Variants in CSMD1 observed in about 807,000 individuals in gnomAD.
The protein encoded by CSMD1 is CUB and Sushi multiple domains 1.
A neutral mutation model predicts 417.5 loss-of-function variants in CSMD1; 213 were observed. The ratio of observed to expected loss-of-function variants is 0.51; its 90% CI spans 0.46 to 0.57. CSMD1 has a LOEUF of 0.57. Ranked by LOEUF, CSMD1 falls within the 20% of genes least tolerant of loss-of-function variation. The probability of loss-of-function intolerance (pLI) is 0.00; values close to 1 mark genes in which losing one functional copy is unlikely to be tolerated. For synonymous variants in CSMD1, 2,862 were observed against 1,736.8 expected (o/e 1.65, Z -16.11); for missense variants, 6,923 against 4,529.7 (o/e 1.53, Z -15.17).
chr8:4,025,372 G>C (rs1172101513), intron 4 of CSMD1, among the ~76,000 whole-genome samples: 1 of 152,096 alleles, frequency 6.6e-6, no homozygotes. Context: ...TTCCCTGTAG[G>C]ACCCTAGATC....
intron 3 of CSMD1, among the ~76,000 whole-genome samples, chr8:4,204,604 A>T (rs1214553700): frequency 1.3e-5 from 2 of 152,194 alleles, no homozygotes; most frequent in African/African-American, 4.8e-5. Context: ...TAATTGCATA[A>T]AAGTGTGTAA....
chr8:4,121,387 T>A (rs1802479463), intron 3 of CSMD1, among the ~76,000 whole-genome samples: 2 of 152,300 alleles, frequency 1.3e-5, no homozygotes, highest in South Asian at 2.1e-4. Context: ...AGGGCTGGGA[T>A]TACAGGCATG....
At chr8:3,516,354 G>T (rs1401608210) in intron 10 of CSMD1, among the ~76,000 whole-genome samples, 2 of 152,300 alleles carry the variant, frequency 1.3e-5, no homozygotes, top group South Asian at 2.1e-4. Context: ...CTTCCAAGTT[G>T]CAAGACAGCT....
At chr8:4,220,392 A>T (rs565154693) in intron 3 of CSMD1, among the ~76,000 whole-genome samples, 7 of 152,348 alleles carry the variant, frequency 4.6e-5, no homozygotes, top group African/African-American at 1.7e-4. Flanking sequence ...AGAGGCCTCT[A>T]GACAACGGTT....
intron 4 of CSMD1, among the ~76,000 whole-genome samples, chr8:4,031,463 G>T (rs767557807): frequency 1.3e-5 from 2 of 152,050 alleles, no homozygotes; most frequent in African/African-American, 4.8e-5. Flanking sequence ...TGATGAGAAC[G>T]GCACAGGAAA....
At chr8:4,150,630 C>G (rs1000447965) in intron 3 of CSMD1, among the ~76,000 whole-genome samples, 3 of 152,258 alleles carry the variant, frequency 2.0e-5, no homozygotes, top group East Asian at 3.9e-4. Context: ...AACTGCAATT[C>G]CAATATTCTT....
intron 10 of CSMD1, among the ~76,000 whole-genome samples, chr8:3,524,370 TGCACACATGCACATAC>T (rs888265326): frequency 3.7e-5 from 5 of 135,740 alleles, no homozygotes; most frequent in Admixed American, 2.2e-4. Flanking sequence ...CGCACACAAG[TGCACACATGCACATAC>T]ACACACATGC....
chr8:3,075,885 C>G (rs1043482739), intron 49 of CSMD1, among the ~76,000 whole-genome samples: 2 of 106,986 alleles, frequency 1.9e-5, no homozygotes, highest in African/African-American at 6.8e-5. Context: ...ACTAAAAATA[C>G]AAAAAAAAAA....
chr8:3,757,549 C>A (rs906214726), intron 5 of CSMD1, among the ~76,000 whole-genome samples: 32 of 152,186 alleles, frequency 2.1e-4, no homozygotes, highest in African/African-American at 7.2e-4. Flanking sequence ...CTGACCCCTG[C>A]TCTAGCATAT....
intron 3 of CSMD1, among the ~76,000 whole-genome samples, chr8:4,127,003 A>T (rs1379414286): frequency 6.6e-6 from 1 of 152,202 alleles, no homozygotes; most frequent in East Asian, 1.9e-4. Context: ...TTTGAGAGCC[A>T]CTGGCCTACA....
chr8:4,156,781 G>C (rs541611897), intron 3 of CSMD1, among the ~76,000 whole-genome samples: 3 of 152,096 alleles, frequency 2.0e-5, no homozygotes, highest in Admixed American at 6.5e-5. Flanking sequence ...ACAGACTTTT[G>C]GGAAGGGCCC....
chr8:3,364,496 T>C (rs771130757), intron 20 of CSMD1, among the ~76,000 whole-genome samples: 15 of 152,342 alleles, frequency 9.8e-5, no homozygotes, highest in African/African-American at 1.9e-4. Flanking sequence ...TTTGTGCAAG[T>C]AGTTTATAAT....
rs577760063 is a variant in CSMD1 at position 4,308,544 on chromosome 8, C to T, written c.415+111409G>A. Among the ~76,000 whole-genome samples, 8 of 152,266 alleles carry T rather than the reference C, an allele frequency of 5.3e-5. No individual in the cohort carries two copies. In the East Asian group the frequency reaches 9.7e-4, roughly 18 times the overall value. Reference sequence around the variant, plus strand: ...CCCTGCTGTGTTTAGCAGAGTTGGACGTTGTCTTCGATATATCTTCCTGTG... The same window carrying T: ...CCCTGCTGTGTTTAGCAGAGTTGGATGTTGTCTTCGATATATCTTCCTGTG... On this transcript the variant is annotated intron_variant, in intron 3 of 69. Coordinates refer to ENST00000635120, the MANE Select transcript of CSMD1 (RefSeq NM_033225.6).
chr8:4,325,483 G>A (rs1478981914), intron 3 of CSMD1, among the ~76,000 whole-genome samples: 1 of 152,148 alleles, frequency 6.6e-6, no homozygotes, highest in Admixed American at 6.5e-5. Flanking sequence ...AGCGCTTCCT[G>A]TGGCTGAAGT....
At chr8:4,492,737 C>A (rs1193462968) in intron 2 of CSMD1, among the ~76,000 whole-genome samples, 1 of 152,204 alleles carries the variant, frequency 6.6e-6, no homozygotes, top group Non-Finnish European at 1.5e-5. Context: ...ACCATGGGCA[C>A]AGGTAACACC....
At chr8:3,945,178 C>CAAAA (rs138900503) in intron 5 of CSMD1, among the ~76,000 whole-genome samples, 21 of 118,922 alleles carry the variant, frequency 1.8e-4, no homozygotes, top group Admixed American at 2.7e-4. Context: ...ATGAGAAAGA[C>CAAAA]AAAAAAAAAA....
Position 4,077,640 on chromosome 8 carries a change from G to C in CSMD1, c.416-45541C>G, listed in dbSNP as rs147693381. 3.5e-4 allele frequency among the ~76,000 whole-genome samples: 54 copies of C among 152,114 alleles called. 2 individuals carry two copies. The highest frequency in any genetic ancestry group is 1.3e-3 in the African/African-American group (52 of 41,508). On this transcript the variant is annotated intron_variant, in intron 3 of 69. Coordinates refer to ENST00000635120, the MANE Select transcript of CSMD1 (RefSeq NM_033225.6). ...ATTCAAGGTCAGTAGATCCACCCGG[G>C]TGACAAAAGGGAGGTATATTTGATC... is the stretch of plus-strand genomic sequence containing the variant.
rs1166821225 is a variant in CSMD1 at position 3,227,308 on chromosome 8, G to A, written c.4345+2732C>T. Among the ~76,000 whole-genome samples, 31 of 91,332 alleles carry A rather than the reference G, an allele frequency of 3.4e-4. No homozygotes were observed. In the Admixed American group the frequency reaches 4.3e-3, roughly 13 times the overall value. 59.9% of individuals were successfully genotyped at this position (91,332 alleles called of 152,430 possible). ...CCCAGCTACTTGGGAGGCTGAGGCA[G>A]GAGAATCACTGGAACACGGAAGGAG... is the stretch of plus-strand genomic sequence containing the variant. On this transcript the variant is annotated intron_variant, in intron 27 of 69. Transcript: ENST00000635120.
rs773431031 is a variant in CSMD1, at chr8:4,688,777, C to G, written c.86-51219G>C. Among the ~76,000 whole-genome samples, 106 of 152,284 alleles carry G rather than the reference C, an allele frequency of 7.0e-4. 2 individuals carry two copies. The highest frequency in any genetic ancestry group is 1.4e-3 in the Admixed American group (21 of 15,298). Reference sequence around the variant, plus strand: ...AGCACTGCGGAGATAACCCAAGACTCAAAACTCCCCGTGCTTTGTGAGAAC... The same window carrying G: ...AGCACTGCGGAGATAACCCAAGACTGAAAACTCCCCGTGCTTTGTGAGAAC... On this transcript the variant is annotated intron_variant, in intron 1 of 69. Coordinates refer to ENST00000635120, the MANE Select transcript of CSMD1 (RefSeq NM_033225.6).
Sources: gnomAD v4.1 joint callset for allele counts (sites outside exome capture counted in the v4.1 genomes callset) on GRCh38, gnomAD v4.1.1 for gene constraint, MANE v1.5 for transcripts, NCBI Gene and HGNC (gene_info 2026-07-23, HGNC 2026-07-21) for gene names.